PHACTR1: variants seen among roughly 807,000 people sequenced by gnomAD.
PHACTR1 encodes RPEL repeat containing 1.
Under a neutral mutation model 69.2 loss-of-function variants are expected in PHACTR1, and 16 were observed. The ratio of observed to expected loss-of-function variants is 0.23; its 90% confidence interval spans 0.16 to 0.35. The LOEUF (loss-of-function observed/expected upper bound fraction) is 0.35. PHACTR1 is among the 10% of genes least tolerant of loss of function. PHACTR1 has a pLI of 1.00. For missense variants in PHACTR1, 510 were observed against 734.7 expected (o/e 0.69, Z 3.54); for synonymous variants, 312 against 284.5 (o/e 1.10, Z -0.97).
chr6:13,179,646 G>A lies in PHACTR1; in HGVS notation c.497-2873G>A, dbSNP rs1279949367. On this transcript the variant is annotated intron_variant, in intron 6 of 14. Transcript: ENST00000332995. The surrounding 1 kb of genome is among the most constrained non-coding windows in gnomAD (Gnocchi z 4.2). Reference sequence around the variant, plus strand: ...ATGTATACACATATATGGATGGATGGGTGGTTGATAGGTAGGAAGATAGGT... The same window carrying A: ...ATGTATACACATATATGGATGGATGAGTGGTTGATAGGTAGGAAGATAGGT... Among the ~76,000 whole-genome samples the A allele has an allele frequency of 1.3e-5, 2 of 151,800 alleles. No homozygotes were observed. The highest frequency in any genetic ancestry group is 2.9e-5 in the Non-Finnish European group (2 of 67,992).
At chr6:13,278,089 G>A (rs368738405) in intron 11 of PHACTR1, 179 bp from the exon 12 acceptor site, 13 of 526,348 alleles carry the variant, frequency 2.5e-5, no homozygotes, top group East Asian at 2.0e-4. Flanking sequence ...TTGAAACAAC[G>A]CAGGTAGTTT....
chr6:13,206,093 G>C lies in PHACTR1; in HGVS notation c.943G>C (p.Glu315Gln). 1 of 1,612,114 alleles carries C rather than the reference G, an allele frequency of 6.2e-7. No homozygotes were observed. The highest frequency in any genetic ancestry group is 8.5e-7 in the Non-Finnish European group (1 of 1,179,036). ...CCCCTCGGGCTGCAGAATGATAGAC[G>C]AGCTCAACAAAACGCTGGCCATGAC... ...MHPSGCRMID[E>Q]LNKTLAMTMQ... is the part of the protein sequence containing the mutation. The change falls in exon 8 of 15, where the codon GAG becomes CAG. Residue 315 changes from glutamate (E) to glutamine (Q), a missense_variant. Physicochemically the swap from Glu to Gln is conservative, Grantham distance 29 (BLOSUM62 2). Around this residue, in one of 2 missense-constraint regions of PHACTR1, gnomAD observed 419 missense variants for 530.9 expected, o/e 0.79. Transcript: ENST00000332995.
intron 4 of PHACTR1, among the ~76,000 whole-genome samples, chr6:12,848,530 G>T (rs1779518482): frequency 6.6e-6 from 1 of 152,152 alleles, no homozygotes. Context: ...ATTTCATCTA[G>T]AAAGGAGGGG....
rs1243881089 is a variant in PHACTR1 at position 13,272,891 on chromosome 6, C to T, written c.1423C>T (p.Leu475=). The part of the protein sequence containing the change: ...RLSQRPTAEE[L]EQRNILKPRN... ...GAGCCAGAGGCCAACTGCAGAGGAACTGGAACAGAGGAACATTTTGAAACG... is the reference window on the plus strand; with the variant it reads ...GAGCCAGAGGCCAACTGCAGAGGAATTGGAACAGAGGAACATTTTGAAACG... The change falls in exon 11 of 15, where the codon CTG becomes TTG. Residue 475 remains leucine, a synonymous_variant. Coordinates refer to ENST00000332995, the MANE Select transcript of PHACTR1 (RefSeq NM_030948.6). 1.2e-6 allele frequency: 2 copies of T among 1,614,052 alleles called. No homozygotes were observed. The highest frequency in any genetic ancestry group is 1.7e-5 in the Admixed American group (1 of 60,026).
At chr6:12,770,031 TGGG>T (rs1769180992) in intron 4 of PHACTR1, among the ~76,000 whole-genome samples, 1 of 152,224 alleles carries the variant, frequency 6.6e-6, no homozygotes, top group South Asian at 2.1e-4. Flanking sequence ...CAATTCTGTT[TGGG>T]ATGCTGATGC....
At chr6:12,886,722 C>T (rs1375673886) in intron 4 of PHACTR1, among the ~76,000 whole-genome samples, 1 of 152,124 alleles carries the variant, frequency 6.6e-6, no homozygotes, top group Non-Finnish European at 1.5e-5. Flanking sequence ...ATGGAGACAC[C>T]TGATGCTGAA....
intron 3 of PHACTR1, among the ~76,000 whole-genome samples, chr6:12,723,301 G>A (rs902634077): frequency 6.6e-6 from 1 of 152,072 alleles, no homozygotes; most frequent in African/African-American, 2.4e-5. Flanking sequence ...CAGACTGACA[G>A]CACCAGCTTC....
chr6:12,840,694 A>G (rs1778600956), intron 4 of PHACTR1, among the ~76,000 whole-genome samples: 1 of 152,192 alleles, frequency 6.6e-6, no homozygotes. Context: ...CCCATACATC[A>G]GCACAAGTCT....
intron 8 of PHACTR1, among the ~76,000 whole-genome samples, chr6:13,206,921 T>A (rs903916752): frequency 1.3e-5 from 2 of 151,920 alleles, no homozygotes; most frequent in Non-Finnish European, 2.9e-5. Context: ...TGGCCCCAGC[T>A]GGGAATCAGT....
chr6:12,848,882 C>T (rs186908368), intron 4 of PHACTR1, among the ~76,000 whole-genome samples: 19 of 151,272 alleles, frequency 1.3e-4, no homozygotes, highest in African/African-American at 4.4e-4. Flanking sequence ...AGTCAAAGGA[C>T]ATTCATTAGA....
At chr6:12,817,191 T>C (rs1471114076) in intron 4 of PHACTR1, among the ~76,000 whole-genome samples, 1 of 152,138 alleles carries the variant, frequency 6.6e-6, no homozygotes, top group Admixed American at 6.5e-5. Flanking sequence ...TTTAGTGAAT[T>C]TGGGGAGAGT....
intron 3 of PHACTR1, among the ~76,000 whole-genome samples, chr6:12,747,212 T>C (rs1561844031): frequency 6.6e-6 from 1 of 152,170 alleles, no homozygotes. Flanking sequence ...CAAATCCAAA[T>C]ACTAGTTAAG....
chr6:12,950,818 A>G (rs1306320868), intron 4 of PHACTR1, among the ~76,000 whole-genome samples: 2 of 152,198 alleles, frequency 1.3e-5, no homozygotes, highest in African/African-American at 4.8e-5. Context: ...AGCAAGTGGC[A>G]GAACTAGAAT....
rs548664599 is a variant in PHACTR1, at chr6:12,887,511, G to A, written c.250+137721G>A. 3.3e-5 allele frequency among the ~76,000 whole-genome samples: 5 copies of A among 152,182 alleles called. No homozygotes were observed. In the South Asian group the frequency reaches 8.3e-4, roughly 25 times the overall value. On this transcript the variant is annotated intron_variant, in intron 4 of 14. Transcript: ENST00000332995. ...TCACTGACCCTTATCATCTAGCAGC[G>A]TCTATCCATGGAACATCACCTTCTC...
chr6:13,127,642 A>T (rs1819749308), intron 5 of PHACTR1, among the ~76,000 whole-genome samples: 1 of 152,164 alleles, frequency 6.6e-6, no homozygotes, highest in African/African-American at 2.4e-5. Flanking sequence ...AGGGCCTTTA[A>T]CTCAAAATAG....
rs1017623323 is a variant in PHACTR1 at position 13,283,265 on chromosome 6, A to G, written c.1510-157A>G. The G allele has an allele frequency of 5.8e-6, 2 of 343,094 alleles. No individual in the cohort carries two copies. The highest frequency in any genetic ancestry group is 4.8e-5 in the African/African-American group (2 of 41,932). The allele number at this position is 343,094 out of a possible 1,614,324, so 21.3% of individuals were successfully genotyped here. Reference sequence around the variant, plus strand: ...AGAGTCAGGAGACTTGGGTCCCCCCACCCTGGCCCTCCCCCTGCCCCTGCC... The same window carrying G: ...AGAGTCAGGAGACTTGGGTCCCCCCGCCCTGGCCCTCCCCCTGCCCCTGCC... On this transcript the variant is annotated intron_variant, in intron 12 of 14. Coordinates refer to ENST00000332995, the MANE Select transcript of PHACTR1 (RefSeq NM_030948.6). This position sits in a 1 kb window ranked among gnomAD's most constrained non-coding sequence, Gnocchi z 4.7.
intron 4 of PHACTR1, among the ~76,000 whole-genome samples, chr6:12,826,029 C>T (rs1776766855): frequency 1.3e-5 from 2 of 152,216 alleles, no homozygotes; most frequent in South Asian, 4.2e-4. Flanking sequence ...GAGTGTTTCT[C>T]AGTATGATTT....
At chr6:13,186,294 T>G (rs948926294) in intron 7 of PHACTR1, among the ~76,000 whole-genome samples, 4 of 152,222 alleles carry the variant, frequency 2.6e-5, no homozygotes, top group Non-Finnish European at 5.9e-5. Context: ...GCTGTACGTA[T>G]TGTTTTGTCA....
chr6:12,855,436 G>A (rs529894430), intron 4 of PHACTR1, among the ~76,000 whole-genome samples: 3 of 152,276 alleles, frequency 2.0e-5, no homozygotes, highest in Admixed American at 1.3e-4. Flanking sequence ...TGGGAGACAG[G>A]ACGAGACCCT....
Sources: allele counts gnomAD v4.1 joint callset (sites outside exome capture counted in the v4.1 genomes callset), GRCh38; gene constraint gnomAD v4.1.1; regional missense constraint gnomAD v4.1.1; non-coding constraint Gnocchi (gnomAD v3.1); transcripts MANE v1.5; gene names NCBI Gene and HGNC (gene_info 2026-07-23, HGNC 2026-07-21).